Variants in LRGUK observed in about 807,000 individuals in gnomAD.
The protein encoded by LRGUK is leucine rich repeats and guanylate kinase domain containing.
LRGUK carries 65 observed loss-of-function variants against 76.0 expected under a neutral mutation model. The observed-to-expected ratio is 0.85, with a 90% CI of 0.70 to 1.05. The LOEUF is 1.05. LRGUK is among the 50% of genes least tolerant of loss of function. The pLI, the probability that LRGUK is intolerant of heterozygous loss-of-function variation, is 0.00. For missense variants in LRGUK, 758 were observed against 732.8 expected (o/e 1.03, Z -0.40); for synonymous variants, 268 against 265.6 (o/e 1.01, Z -0.09).
At chr7:134,203,781 C>T (rs1242097685) in intron 15 of LRGUK, among the ~76,000 whole-genome samples, 4 of 152,070 alleles carry the variant, frequency 2.6e-5, no homozygotes, top group South Asian at 2.1e-4. Context: ...CTGCACTGGG[C>T]GTCGGTTCTT....
intron 11 of LRGUK, among the ~76,000 whole-genome samples, chr7:134,190,137 G>A (rs1800139035): frequency 6.6e-6 from 1 of 152,134 alleles, no homozygotes; most frequent in Admixed American, 6.5e-5. Flanking sequence ...ATAATACCTA[G>A]CTTATGGTTT....
At chr7:134,189,589 C>T (rs1049792270) in intron 11 of LRGUK, among the ~76,000 whole-genome samples, 1 of 152,148 alleles carries the variant, frequency 6.6e-6, no homozygotes, top group African/African-American at 2.4e-5. Context: ...TTTGTTTTGT[C>T]TTTCTTTGAG....
chr7:134,179,190 G>A (rs1318021263), intron 10 of LRGUK, among the ~76,000 whole-genome samples: 2 of 152,124 alleles, frequency 1.3e-5, no homozygotes, highest in African/African-American at 2.4e-5. Context: ...GGGAGGAGTC[G>A]CCCAGCTCGG....
chr7:134,129,824 C>G (rs911083798), intron 1 of LRGUK, among the ~76,000 whole-genome samples: 4 of 152,124 alleles, frequency 2.6e-5, no homozygotes, highest in Admixed American at 6.5e-5. Context: ...GGTTTCCCCT[C>G]TTTACATCTT....
intron 7 of LRGUK, among the ~76,000 whole-genome samples, chr7:134,167,709 C>T (rs930171972): frequency 1.3e-5 from 2 of 152,124 alleles, no homozygotes; most frequent in African/African-American, 2.4e-5. Context: ...GCAGATCCAG[C>T]GTATTTCCAC....
In LRGUK at chr7:134,177,081, A is replaced by T. The variant is rs773764609; in HGVS notation, c.1107+18A>T. The T allele has an allele frequency of 2.7e-6, 4 of 1,494,286 alleles. No individual in the cohort carries two copies. The highest frequency in any genetic ancestry group is 3.7e-6 in the Non-Finnish European group (4 of 1,079,670). 92.6% of individuals were successfully genotyped at this position (1,494,286 alleles called of 1,614,324 possible). The stretch of plus-strand genomic sequence containing the variant: ...AAGAAAAGGTATGTAATCATGTCAT[A>T]ACATTACCATTGTGTTATTGGGTTA... On this transcript the variant is annotated intron_variant, in intron 9 of 15. Transcript: ENST00000645682.
chr7:134,135,867 A>G lies in LRGUK; in HGVS notation c.298-1156A>G, dbSNP rs184342685. 2.6e-5 allele frequency among the ~76,000 whole-genome samples: 4 copies of G among 152,302 alleles called. No homozygotes were observed. The East Asian group carries it at 5.8e-4, about 22-fold the overall frequency. ...GAGACGGGGTTTCACCGTGTTAGCC[A>G]GGATGGTCTCGATCTCCTGACCTTG... is the stretch of plus-strand genomic sequence containing the variant. On this transcript the variant is annotated intron_variant, in intron 1 of 15. Coordinates refer to ENST00000645682, the Ensembl canonical transcript of LRGUK.
At position 134,135,877 on chromosome 7, in the gene LRGUK, C is replaced by T. The variant is rs146501713; in HGVS notation, c.298-1146C>T. On this transcript the variant is annotated intron_variant, in intron 1 of 15. Transcript: ENST00000645682. ...TTCACCGTGTTAGCCAGGATGGTCT[C>T]GATCTCCTGACCTTGCGAACCGCCC... Among the ~76,000 whole-genome samples, 650 of 152,240 alleles carry T rather than the reference C, an allele frequency of 4.3e-3. 7 individuals are homozygous for T. Among genetic ancestry groups the T allele is most frequent in the African/African-American group, 0.013 (538 of 41,558 alleles).
intron 9 of LRGUK, 103 bp from the exon 10 acceptor site, chr7:134,178,400 C>T: frequency 1.4e-6 from 1 of 705,834 alleles, no homozygotes. Context: ...TTTTGTGTAC[C>T]TGGCTGCACG....
exon 13 of LRGUK, chr7:134,196,997 A>C (rs1470376232): frequency 6.4e-7 from 1 of 1,567,602 alleles, no homozygotes; most frequent in Non-Finnish European, 8.8e-7. Flanking sequence ...TCCAGGGGAA[A>C]TTCATTCTAA....
chr7:134,245,676 A>G (rs1802282744), intron 16 of LRGUK, among the ~76,000 whole-genome samples: 1 of 152,224 alleles, frequency 6.6e-6, no homozygotes, highest in Admixed American at 6.5e-5. Flanking sequence ...AATAAAATAT[A>G]AATTAAGCAT....
At chr7:134,197,298 A>T (rs1800535819) in intron 13 of LRGUK, among the ~76,000 whole-genome samples, 193 bp downstream of exon 13, 1 of 152,196 alleles carries the variant, frequency 6.6e-6, no homozygotes, top group Non-Finnish European at 1.5e-5. Context: ...CAGGCAACAC[A>T]TTGCCAGGCA....
At chr7:134,173,647 A>G (rs1436040707) in intron 7 of LRGUK, among the ~76,000 whole-genome samples, 2 of 152,176 alleles carry the variant, frequency 1.3e-5, no homozygotes, top group Non-Finnish European at 2.9e-5. Flanking sequence ...ACTTTTTAAA[A>G]TGGTGAAACA....
chr7:134,152,429 A>T (rs535038074), intron 5 of LRGUK, among the ~76,000 whole-genome samples: 1 of 152,192 alleles, frequency 6.6e-6, no homozygotes, highest in Non-Finnish European at 1.5e-5. Flanking sequence ...AAAATAAAAG[A>T]TGAGAAAAAG....
At chr7:134,273,583 G>A in the LRGUK span, among the ~76,000 whole-genome samples, 1 of 151,970 alleles carries the variant, frequency 6.6e-6, no homozygotes, top group African/African-American at 2.4e-5. Context: ...CCACAAGGTT[G>A]AATGGGGGCT....
chr7:134,214,964 T>C (rs1585567521), downstream of LRGUK, among the ~76,000 whole-genome samples: 2 of 152,238 alleles, frequency 1.3e-5, no homozygotes, highest in African/African-American at 4.8e-5. Context: ...TTATAGAAGG[T>C]CTTCATATGT....
chr7:134,260,954 G>A (rs1231479189), intron 19 of LRGUK, among the ~76,000 whole-genome samples: 3 of 152,184 alleles, frequency 2.0e-5, no homozygotes, highest in African/African-American at 4.8e-5. Flanking sequence ...TCACTGCAAC[G>A]TGCTGGGGTG....
chr7:134,262,041 A>T (rs992377427), intron 19 of LRGUK, among the ~76,000 whole-genome samples: 1 of 152,228 alleles, frequency 6.6e-6, no homozygotes, highest in African/African-American at 2.4e-5. Context: ...TTATAAATAC[A>T]CAACCATTTC....
chr7:134,264,324 A>G (rs1052513165), exon 20 of LRGUK: 1 of 178,354 alleles, frequency 5.6e-6, no homozygotes, highest in Non-Finnish European at 1.2e-5. Context: ...AAATCTCCCA[A>G]GATCTCTGCA....
Sources: allele counts gnomAD v4.1 joint callset (sites outside exome capture counted in the v4.1 genomes callset), GRCh38; gene constraint gnomAD v4.1.1; transcripts MANE v1.5; gene names NCBI Gene and HGNC (gene_info 2026-07-23, HGNC 2026-07-21).